Variants in MAPRE1 observed in about 807,000 individuals in gnomAD.
The protein encoded by MAPRE1 is microtubule associated protein RP/EB family member 1, also known as microtubule-associated protein RP/EB family member 1.
A neutral mutation model predicts 32.1 loss-of-function variants in MAPRE1; 5 were observed. The ratio of observed to expected loss-of-function variants is 0.16; its 90% confidence interval spans 0.08 to 0.33. The LOEUF is 0.33. Ranked by LOEUF, MAPRE1 falls within the 10% of genes least tolerant of loss-of-function variation. The probability of loss-of-function intolerance (pLI) is 1.00; values close to 1 mark genes in which losing one functional copy is unlikely to be tolerated. For missense variants in MAPRE1, 209 were observed against 327.2 expected, an observed-to-expected ratio of 0.64 and a Z score of 2.79; for synonymous variants, 122 against 118.9, an observed-to-expected ratio of 1.03 and a Z score of -0.17.
At chr20:32,831,357 A>G (rs1983018154) in intron 2 of MAPRE1, among the ~76,000 whole-genome samples, 1 of 152,088 alleles carries the variant, frequency 6.6e-6, no homozygotes. Flanking sequence ...TATTTATGTA[A>G]TTGATTCTTT....
chr20:32,846,590 A>T (rs377582239), intron 5 of MAPRE1, 28 bp from the exon 6 acceptor site: 118 of 1,611,142 alleles, frequency 7.3e-5, no homozygotes, highest in Non-Finnish European at 9.6e-5. Context: ...AATGCCAAGC[A>T]TCTCACCCTT....
At chr20:32,822,184 A>G (rs1568874453) in intron 1 of MAPRE1, among the ~76,000 whole-genome samples, 1 of 152,114 alleles carries the variant, frequency 6.6e-6, no homozygotes, top group Non-Finnish European at 1.5e-5. Context: ...TGGTCAGGAG[A>G]CACACATGGC....
intron 1 of MAPRE1, among the ~76,000 whole-genome samples, chr20:32,822,675 G>C (rs1356130987): frequency 6.6e-6 from 1 of 152,170 alleles, no homozygotes; most frequent in Non-Finnish European, 1.5e-5. Context: ...AGGGAACTGA[G>C]GTACATTGAG....
chr20:32,826,519 CTTTTTT>C (rs71338460), intron 2 of MAPRE1, among the ~76,000 whole-genome samples: 146 of 46,554 alleles, frequency 3.1e-3, no homozygotes, highest in African/African-American at 0.011. Flanking sequence ...CACGCCCGGC[CTTTTTT>C]TTTTTTTTTT....
At chr20:32,841,507 G>T (rs1213602216) in intron 5 of MAPRE1, among the ~76,000 whole-genome samples, 1 of 150,446 alleles carries the variant, frequency 6.6e-6, no homozygotes, top group Non-Finnish European at 1.5e-5. Context: ...GGGTACATGT[G>T]TACAACGTGC....
chr20:32,849,817 C>G lies in MAPRE1; in HGVS notation c.*1089C>G, dbSNP rs1983599446. 6.6e-6 allele frequency: 1 copy of G among 152,616 alleles called. No individual in the cohort carries two copies. Among genetic ancestry groups the G allele is most frequent in the Non-Finnish European group, 1.5e-5 (1 of 68,048 alleles). The allele number at this position is 152,616 out of a possible 1,614,324, so 9.5% of individuals were successfully genotyped here. On this transcript the variant is annotated 3_prime_UTR_variant, in exon 7 of 7. Coordinates refer to ENST00000375571, the MANE Select transcript of MAPRE1 (RefSeq NM_012325.3). ...TGCCAGGCTGGGGTGTTTTCGGTATCTGCTGTTCACAGCTCTCCACTGTAA... is the reference window on the plus strand; with the variant it reads ...TGCCAGGCTGGGGTGTTTTCGGTATGTGCTGTTCACAGCTCTCCACTGTAA...
rs1407989019 is a variant in MAPRE1, at chr20:32,848,793, A to G, written c.*65A>G. 5 of 1,417,642 alleles carry G rather than the reference A, an allele frequency of 3.5e-6. No homozygotes were observed. In the African/African-American group the frequency reaches 5.7e-5, roughly 16 times the overall value. The allele number at this position is 1,417,642 out of a possible 1,614,324, so 87.8% of individuals were successfully genotyped here. On this transcript the variant is annotated 3_prime_UTR_variant, in exon 7 of 7. Coordinates refer to ENST00000375571, the MANE Select transcript of MAPRE1 (RefSeq NM_012325.3). Reference sequence around the variant, plus strand: ...CAAATCATGTGCTTAACTGTAAAATACTCCCTTTTGTTATCCTTAGAGGAC... The same window carrying G: ...CAAATCATGTGCTTAACTGTAAAATGCTCCCTTTTGTTATCCTTAGAGGAC...
chr20:32,841,677 T>C (rs1464036878), intron 5 of MAPRE1, among the ~76,000 whole-genome samples: 1 of 141,320 alleles, frequency 7.1e-6, no homozygotes, highest in Non-Finnish European at 1.5e-5. Context: ...CCATGTGTTC[T>C]CATCCGCTCA....
chr20:32,836,085 A>G (rs1983193471), intron 3 of MAPRE1, among the ~76,000 whole-genome samples: 1 of 151,992 alleles, frequency 6.6e-6, no homozygotes, highest in Non-Finnish European at 1.5e-5. Context: ...CAGCCTCCCA[A>G]GGAGCTGGGA....
chr20:32,844,312 G>A (rs1983443394), intron 5 of MAPRE1, among the ~76,000 whole-genome samples: 1 of 152,096 alleles, frequency 6.6e-6, no homozygotes, highest in South Asian at 2.1e-4. Flanking sequence ...GCCTTTATAG[G>A]TGGGACCCAG....
chr20:32,822,335 A>G (rs983127321), intron 1 of MAPRE1, among the ~76,000 whole-genome samples: 3 of 152,172 alleles, frequency 2.0e-5, no homozygotes, highest in Non-Finnish European at 2.9e-5. Flanking sequence ...TTTTGCGCAC[A>G]GTATTTTGTT....
intron 2 of MAPRE1, among the ~76,000 whole-genome samples, chr20:32,828,939 G>GTT (rs201053901): frequency 1.3e-5 from 2 of 149,214 alleles, no homozygotes; most frequent in Non-Finnish European, 1.5e-5. Flanking sequence ...TTTGTCAGTT[G>GTT]TTTTTTTTTT....
intron 2 of MAPRE1, among the ~76,000 whole-genome samples, chr20:32,827,767 G>A (rs1186648697): frequency 1.3e-5 from 2 of 151,668 alleles, no homozygotes; most frequent in African/African-American, 2.4e-5. Flanking sequence ...TTGGTGGCAC[G>A]CACCTGTAGT....
At chr20:32,838,650 T>C (rs1301720567) in intron 4 of MAPRE1, among the ~76,000 whole-genome samples, 3 of 152,196 alleles carry the variant, frequency 2.0e-5, no homozygotes, top group Non-Finnish European at 2.9e-5. Context: ...AGATATTGAG[T>C]ACTTTTTATT....
chr20:32,831,284 A>G (rs1711744997), intron 2 of MAPRE1, among the ~76,000 whole-genome samples: 1 of 152,198 alleles, frequency 6.6e-6, no homozygotes, highest in Non-Finnish European at 1.5e-5. Context: ...TCTCTAAAAA[A>G]GAAAAAGAAA....
At chr20:32,830,466 G>C (rs902582396) in intron 2 of MAPRE1, among the ~76,000 whole-genome samples, 2 of 152,044 alleles carry the variant, frequency 1.3e-5, no homozygotes, top group African/African-American at 4.8e-5. Context: ...ACTCCATTTG[G>C]GGCCATGATT....
chr20:32,834,844 C>T (rs1983141322), intron 3 of MAPRE1, among the ~76,000 whole-genome samples: 1 of 151,968 alleles, frequency 6.6e-6, no homozygotes, highest in South Asian at 2.1e-4. Flanking sequence ...GTGTAATGAT[C>T]CCTCATGTAA....
At chr20:32,826,214 CTTTTTT>C (rs3092521) in intron 2 of MAPRE1, among the ~76,000 whole-genome samples, 166 bp downstream of exon 2, 1 of 108,910 alleles carries the variant, frequency 9.2e-6, no homozygotes, top group Non-Finnish European at 1.8e-5. Context: ...TCCAAAGGAA[CTTTTTT>C]TTTTTTTTTT....
chr20:32,834,781 A>G (rs1027533300), intron 3 of MAPRE1, among the ~76,000 whole-genome samples: 2 of 152,184 alleles, frequency 1.3e-5, no homozygotes, highest in African/African-American at 4.8e-5. Context: ...AATATGGAAA[A>G]TGTCTAAAGT....
Sources: gnomAD v4.1 joint callset for allele counts (sites outside exome capture counted in the v4.1 genomes callset) on GRCh38, gnomAD v4.1.1 for gene constraint, MANE v1.5 for transcripts, NCBI Gene and HGNC (gene_info 2026-07-23, HGNC 2026-07-21) for gene names.